The following USP20 variants were observed in gnomAD, a reference collection of about 807,000 sequenced individuals.
USP20 encodes ubiquitin specific peptidase 20.
USP20 carries 80 observed loss-of-function variants against 124.2 expected under a neutral mutation model. The observed-to-expected ratio is 0.64, with a 90% confidence interval of 0.54 to 0.78. The LOEUF (loss-of-function observed/expected upper bound fraction) is 0.78. Among genes scored for constraint, USP20 ranks in the 30% least tolerant of loss-of-function variants. USP20 has a pLI of 0.00. For synonymous variants in USP20, 481 were observed against 512.3 expected (o/e 0.94, Z 0.83); for missense variants, 1,043 against 1,244.4 (o/e 0.84, Z 2.44).
Position 129,879,325 on chromosome 9 carries a change from G to A in USP20, c.2513-248G>A. The A allele has an allele frequency of 3.8e-6, 2 of 529,262 alleles. No homozygotes were observed. Among genetic ancestry groups the A allele is most frequent in the East Asian group, 6.2e-5 (2 of 32,136 alleles). 32.8% of individuals were successfully genotyped at this position (529,262 alleles called of 1,614,324 possible). ...GCGGCAGCTGCCAGCAGAGATAAGG[G>A]CATGGGCCATCCACCGCAGCTCCTG... On this transcript the variant is annotated intron_variant, in intron 23 of 25. Transcript: ENST00000372429. The surrounding 1 kb of genome is among the most constrained non-coding windows in gnomAD (Gnocchi z 4.2).
In USP20 at chr9:129,875,568, C is replaced by T; in HGVS notation, c.2227C>T (p.Pro743Ser). ...CTGTACCTTCTTCCCAGGCATCCCG[C>T]CCCACAAATACCACTACATCGACGA... ...TFLCSHGGIP[P>S]HKYHYIDDLV... The change falls in exon 21 of 26, where the codon CCC (proline) becomes TCC (serine). Residue 743 changes from proline to serine, a missense_variant. Transcript: ENST00000372429. 1 of 1,614,120 alleles carries T rather than the reference C, an allele frequency of 6.2e-7. No individual in the cohort carries two copies. The highest frequency in any genetic ancestry group is 8.5e-7 in the Non-Finnish European group (1 of 1,180,010).
At chr9:129,846,266 T>TG in intron 1 of USP20, among the ~76,000 whole-genome samples, 1 of 130,182 alleles carries the variant, frequency 7.7e-6, no homozygotes, top group Non-Finnish European at 1.6e-5. Context: ...TTTTTTTTTT[T>TG]TTTTTTTGAG....
chr9:129,865,461 A>G lies in USP20; in HGVS notation c.690+80A>G, dbSNP rs898714450. 131 of 1,470,396 alleles carry G rather than the reference A, an allele frequency of 8.9e-5. 2 individuals carry two copies. In the South Asian group the frequency reaches 1.1e-3, roughly 12 times the overall value. The allele number at this position is 1,470,396 out of a possible 1,614,324, so 91.1% of individuals were successfully genotyped here. A position where few individuals can be genotyped will look rare whatever the true frequency, so the allele number is the denominator to read the frequency against. On this transcript the variant is annotated intron_variant, in intron 10 of 25. Coordinates refer to ENST00000372429, the MANE Select transcript of USP20 (RefSeq NM_001110303.4). Reference sequence around the variant, plus strand: ...ACTTTGACGCCAAAACCAGAGTGGAAAATCGCAATGGCAGCTGAGCACTGG... The same window carrying G: ...ACTTTGACGCCAAAACCAGAGTGGAGAATCGCAATGGCAGCTGAGCACTGG...
intron 10 of USP20, 49 bp from the exon 11 acceptor site, chr9:129,867,956 G>A (rs747931209): frequency 1.3e-6 from 2 of 1,567,578 alleles, no homozygotes; most frequent in Non-Finnish European, 1.7e-6. Context: ...CTGGAGACTG[G>A]TTCCTCCTGC....
In USP20 at chr9:129,870,331, G is replaced by A. The variant is rs958663955; in HGVS notation, c.1566-122G>A. ...CTGCCCCGACCCGCCGTGCCCGGCT[G>A]CTTCTCTGGGCCTTCAGGGTCCTTC... On this transcript the variant is annotated intron_variant, in intron 14 of 25. Transcript: ENST00000372429. 7.5e-6 allele frequency: 8 copies of A among 1,064,948 alleles called. 1 individual carries two copies. Among genetic ancestry groups the A allele is most frequent in the Middle Eastern group, 2.1e-4 (1 of 4,762 alleles). 66.0% of individuals were successfully genotyped at this position (1,064,948 alleles called of 1,614,324 possible). A position where few individuals can be genotyped will look rare whatever the true frequency, so the allele number is the denominator to read the frequency against.
chr9:129,877,141 C>G (rs1293477099), intron 22 of USP20, among the ~76,000 whole-genome samples: 3 of 152,206 alleles, frequency 2.0e-5, no homozygotes, highest in African/African-American at 7.2e-5. Flanking sequence ...CACGCTACTT[C>G]TAACAGGGTT....
rs188600149 is a variant in USP20, at chr9:129,869,731, C to T, written c.1452C>T (p.Asp484=). The T allele has an allele frequency of 2.7e-4, 442 of 1,614,090 alleles. 1 individual carries two copies. The African/African-American group carries it at 5.3e-3, about 19-fold the overall frequency. Residue 484 remains aspartate (D), a synonymous_variant, in exon 14 of 26, where the codon GAC becomes GAT. Coordinates refer to ENST00000372429, the MANE Select transcript of USP20 (RefSeq NM_001110303.4). ...CACTGCCCATTCCTGGAAAGGAGGA[C>T]CTGGCCAAGCTCCATTCAGCCATCT... ...DLSLPIPGKE[D]LAKLHSAIYQ...
At chr9:129,875,693 G>T (rs772447279) in intron 21 of USP20, 52 bp downstream of exon 21, 48 of 1,573,250 alleles carry the variant, frequency 3.1e-5, no homozygotes, top group Non-Finnish European at 4.1e-5. Context: ...GCCCAGCTGG[G>T]CAGGAAAAGA....
At chr9:129,877,116 G>T (rs896070081) in intron 22 of USP20, among the ~76,000 whole-genome samples, 1 of 152,164 alleles carries the variant, frequency 6.6e-6, no homozygotes, top group Non-Finnish European at 1.5e-5. Context: ...GGCTCCTGGC[G>T]CACTCCCTCC....
chr9:129,877,134 G>A (rs1042258676), intron 22 of USP20, among the ~76,000 whole-genome samples: 1 of 152,190 alleles, frequency 6.6e-6, no homozygotes, highest in African/African-American at 2.4e-5. Context: ...TCCCTGCCAC[G>A]CTACTTCTAA....
intron 23 of USP20, among the ~76,000 whole-genome samples, chr9:129,878,916 G>A (rs1329398938): frequency 6.6e-6 from 1 of 152,208 alleles, no homozygotes; most frequent in Non-Finnish European, 1.5e-5. Flanking sequence ...GGCGCCCTCG[G>A]GGCATAATCT....
rs2033924193 is a variant in USP20, at chr9:129,868,281, GAGA to G, written c.970_972del (p.Lys324del). The G allele has an allele frequency of 1.2e-6, 2 of 1,614,034 alleles. No individual in the cohort carries two copies. Among genetic ancestry groups the G allele is most frequent in the Non-Finnish European group, 1.7e-6 (2 of 1,179,978 alleles). Reference sequence around the variant, plus strand: ...AGATGAGGCGGGCCGAGCCATCTCTGAGAAGGAGCGGATGAAGGACCGCAAGTT... The same window carrying G: ...AGATGAGGCGGGCCGAGCCATCTCTGAGGAGCGGATGAAGGACCGCAAGTT... On this transcript the variant is annotated inframe_deletion, in exon 11 of 26. Transcript: ENST00000372429.
chr9:129,857,176 T>C (rs969436207), intron 4 of USP20, among the ~76,000 whole-genome samples: 2 of 152,122 alleles, frequency 1.3e-5, no homozygotes, highest in Admixed American at 6.5e-5. Context: ...TGCTCAGCCC[T>C]GTCACTCAGC....
intron 3 of USP20, among the ~76,000 whole-genome samples, chr9:129,854,015 G>A (rs2131054073): frequency 6.6e-6 from 1 of 152,240 alleles, no homozygotes; most frequent in South Asian, 2.1e-4. Flanking sequence ...AAGGATATGA[G>A]CAGGTCCTTC....
Position 129,874,966 on chromosome 9 carries a change from G to A in USP20, c.2048+11G>A. ...CGTACTCTTCTACAGGTGGGCGCTG[G>A]GCCAGGCCTGGTGGAGGAACCTCAC... On this transcript the variant is annotated intron_variant, in intron 19 of 25. Coordinates refer to ENST00000372429, the MANE Select transcript of USP20 (RefSeq NM_001110303.4). 1 of 1,612,186 alleles carries A rather than the reference G, an allele frequency of 6.2e-7. No homozygotes were observed. The highest frequency in any genetic ancestry group is 1.3e-5 in the African/African-American group (1 of 75,040).
chr9:129,846,243 ATATATTTTTTTTTTTTTTT>A (rs2032546962), intron 1 of USP20, among the ~76,000 whole-genome samples: 1 of 36,026 alleles, frequency 2.8e-5, no homozygotes, highest in East Asian at 8.4e-4. Flanking sequence ...ATATATATAT[ATATATTTTTTTTTTTTTTT>A]TTTTTTTTTT....
At chr9:129,873,915 C>T (rs571842745) in intron 17 of USP20, among the ~76,000 whole-genome samples, 171 bp downstream of exon 17, 2 of 152,218 alleles carry the variant, frequency 1.3e-5, no homozygotes, top group East Asian at 3.9e-4. Flanking sequence ...GCAGGGGGCA[C>T]ATTTTTCCAA....
Position 129,864,706 on chromosome 9 carries a change from G to A in USP20, c.612-597G>A, listed in dbSNP as rs189116303. 3.2e-3 allele frequency among the ~76,000 whole-genome samples: 481 copies of A among 151,032 alleles called. 6 individuals are homozygous for A. Among genetic ancestry groups the A allele is most frequent in the African/African-American group, 0.011 (457 of 41,000 alleles). ...GGAGAATCACTTGAACTCGGGAGGC[G>A]GAGGTTGCAGCAAGCCAAGATCATG... On this transcript the variant is annotated intron_variant, in intron 9 of 25. Coordinates refer to ENST00000372429, the MANE Select transcript of USP20 (RefSeq NM_001110303.4).
At chr9:129,856,248 C>G (rs2033209144) in intron 3 of USP20, 59 bp from the exon 4 acceptor site, 7 of 1,556,072 alleles carry the variant, frequency 4.5e-6, no homozygotes, top group Middle Eastern at 3.5e-4. Flanking sequence ...AGTCTCAGTG[C>G]TCAGCCCCGC....
Sources: gnomAD v4.1 joint callset for allele counts (sites outside exome capture counted in the v4.1 genomes callset) on GRCh38, gnomAD v4.1.1 for gene constraint, Gnocchi (gnomAD v3.1) non-coding constraint, MANE v1.5 for transcripts, NCBI Gene and HGNC (gene_info 2026-07-23, HGNC 2026-07-21) for gene names.